ADAMTS3: variants seen among roughly 807,000 people sequenced by gnomAD.
The protein encoded by ADAMTS3 is ADAM metallopeptidase with thrombospondin type 1 motif 3, also known as A disintegrin and metalloproteinase with thrombospondin motifs 3.
Under a neutral mutation model 129.0 loss-of-function variants are expected in ADAMTS3, and 73 were observed. The ratio of observed to expected loss-of-function variants is 0.57; its 90% CI spans 0.47 to 0.69. The LOEUF is 0.69. ADAMTS3 is among the 30% of genes least tolerant of loss of function. ADAMTS3 has a pLI of 0.00. For missense variants in ADAMTS3, 1,457 were observed against 1,514.5 expected, an observed-to-expected ratio of 0.96 and a Z score of 0.63; for synonymous variants, 477 against 510.8, an observed-to-expected ratio of 0.93 and a Z score of 0.89.
At chr4:72,547,333 T>C (rs191291267) in intron 3 of ADAMTS3, among the ~76,000 whole-genome samples, 2 of 152,312 alleles carry the variant, frequency 1.3e-5, no homozygotes, top group East Asian at 3.9e-4. Flanking sequence ...TCTTGATTGT[T>C]CACACTGGGT....
intron 4 of ADAMTS3, among the ~76,000 whole-genome samples, chr4:72,366,706 T>C (rs1720877673): frequency 6.6e-6 from 1 of 152,026 alleles, no homozygotes; most frequent in Non-Finnish European, 1.5e-5. Flanking sequence ...CTAATGTGTC[T>C]AGCCAAAATT....
At chr4:72,450,969 AAGAAGAGAAGAGAAGAGAAG>A (rs67162859) in intron 3 of ADAMTS3, among the ~76,000 whole-genome samples, 49,390 of 140,026 alleles carry the variant, frequency 0.35, 8,499 homozygotes, top group East Asian at 0.45. Context: ...GGCAGGCAAA[AAGAAGAGAAGAGAAGAGAAG>A]AGAAGAGAAG....
chr4:72,487,429 G>A (rs1578726807), intron 3 of ADAMTS3, among the ~76,000 whole-genome samples: 1 of 152,076 alleles, frequency 6.6e-6, no homozygotes, highest in African/African-American at 2.4e-5. Context: ...CACTAGATGA[G>A]AGTGAAGGAG....
At chr4:72,295,889 A>C in intron 18 of ADAMTS3, 103 bp from the exon 19 acceptor site, 5 of 1,396,746 alleles carry the variant, frequency 3.6e-6, no homozygotes, top group South Asian at 1.3e-5. Flanking sequence ...CCATTCAATA[A>C]ATATGTATTG....
intron 4 of ADAMTS3, among the ~76,000 whole-genome samples, chr4:72,369,513 C>T (rs1286651502): frequency 1.3e-5 from 2 of 152,000 alleles, no homozygotes; most frequent in Admixed American, 1.3e-4. Context: ...GAGTTTGAAA[C>T]CAGCATGGCC....
chr4:72,361,693 C>A (rs1386751981), intron 4 of ADAMTS3, among the ~76,000 whole-genome samples: 1 of 152,042 alleles, frequency 6.6e-6, no homozygotes, highest in Non-Finnish European at 1.5e-5. Flanking sequence ...AGTCTTGTGA[C>A]CCATGATCAC....
chr4:72,327,250 T>C (rs893367088), intron 5 of ADAMTS3, among the ~76,000 whole-genome samples: 1 of 152,270 alleles, frequency 6.6e-6, no homozygotes, highest in Admixed American at 6.5e-5. Context: ...TCATACTAAA[T>C]TAACAATTTG....
At chr4:72,404,034 A>G (rs1442196292) in intron 4 of ADAMTS3, among the ~76,000 whole-genome samples, 1 of 152,082 alleles carries the variant, frequency 6.6e-6, no homozygotes, top group Non-Finnish European at 1.5e-5. Flanking sequence ...AAATAGAAAG[A>G]CATCCCATGT....
chr4:72,519,033 G>A (rs1475735300), intron 3 of ADAMTS3, among the ~76,000 whole-genome samples: 1 of 150,890 alleles, frequency 6.6e-6, no homozygotes, highest in South Asian at 2.1e-4. Context: ...GGCAGGCCTG[G>A]TGGTGACAAA....
intron 16 of ADAMTS3, among the ~76,000 whole-genome samples, chr4:72,304,719 T>C (rs1719040107): frequency 6.6e-6 from 1 of 152,022 alleles, no homozygotes; most frequent in Non-Finnish European, 1.5e-5. Context: ...GAGTAAAAAA[T>C]AATGAATGGG....
intron 3 of ADAMTS3, among the ~76,000 whole-genome samples, chr4:72,485,816 T>G (rs1719575885): frequency 6.6e-6 from 1 of 152,122 alleles, no homozygotes; most frequent in Non-Finnish European, 1.5e-5. Context: ...GGTAATAAGG[T>G]CATGAGGGCT....
chr4:72,505,188 C>T (rs1486164753), intron 3 of ADAMTS3, among the ~76,000 whole-genome samples: 1 of 152,118 alleles, frequency 6.6e-6, no homozygotes, highest in Non-Finnish European at 1.5e-5. Flanking sequence ...GAGATGCTGG[C>T]AATTCTAATT....
intron 4 of ADAMTS3, among the ~76,000 whole-genome samples, chr4:72,349,655 C>T (rs1322909276): frequency 3.3e-5 from 5 of 151,888 alleles, no homozygotes; most frequent in African/African-American, 1.2e-4. Flanking sequence ...AACACTTAGA[C>T]ATTTTTTAAG....
At chr4:72,290,748 G>C in intron 20 of ADAMTS3, 107 bp downstream of exon 20, 1 of 1,193,360 alleles carries the variant, frequency 8.4e-7, no homozygotes, top group South Asian at 1.4e-5. Context: ...ATATGCAGTA[G>C]TTTCTCAGTT....
At chr4:72,369,014 T>C (rs1316570591) in intron 4 of ADAMTS3, among the ~76,000 whole-genome samples, 1 of 152,194 alleles carries the variant, frequency 6.6e-6, no homozygotes, top group Non-Finnish European at 1.5e-5. Context: ...CAATTAAAAT[T>C]TATTGAGTAT....
At chr4:72,373,482 G>A (rs1721063912) in intron 4 of ADAMTS3, among the ~76,000 whole-genome samples, 1 of 152,078 alleles carries the variant, frequency 6.6e-6, no homozygotes, top group African/African-American at 2.4e-5. Flanking sequence ...CTACACACAG[G>A]AATAAATTTT....
chr4:72,436,633 T>G (rs1490561783), intron 3 of ADAMTS3, among the ~76,000 whole-genome samples: 1 of 151,924 alleles, frequency 6.6e-6, no homozygotes, highest in Non-Finnish European at 1.5e-5. Flanking sequence ...TAGACTGGAT[T>G]AAGAAAATGT....
chr4:72,562,634 T>G (rs1269463450), intron 2 of ADAMTS3, among the ~76,000 whole-genome samples: 3 of 152,140 alleles, frequency 2.0e-5, no homozygotes, highest in Non-Finnish European at 4.4e-5. Flanking sequence ...AAGAACATGC[T>G]AAATTATAAC....
At chr4:72,389,395 T>A (rs1721526692) in intron 4 of ADAMTS3, among the ~76,000 whole-genome samples, 1 of 152,162 alleles carries the variant, frequency 6.6e-6, no homozygotes, top group South Asian at 2.1e-4. Flanking sequence ...ATCTGTAACA[T>A]TTGAAACATT....
Sources: allele counts gnomAD v4.1 joint callset (sites outside exome capture counted in the v4.1 genomes callset), GRCh38; gene constraint gnomAD v4.1.1; transcripts MANE v1.5; gene names NCBI Gene and HGNC (gene_info 2026-07-23, HGNC 2026-07-21).